GALNTL6: variants seen among roughly 807,000 people sequenced by gnomAD.
GALNTL6 encodes the protein polypeptide N-acetylgalactosaminyltransferase-like 6.
Under a neutral mutation model 73.7 loss-of-function variants are expected in GALNTL6, and 46 were observed. That is an observed-to-expected ratio of 0.62 (90% CI 0.49 to 0.80). GALNTL6 has a LOEUF of 0.80. Among genes scored for constraint, GALNTL6 ranks in the 30% least tolerant of loss-of-function variants. GALNTL6 has a pLI of 0.00. For synonymous variants in GALNTL6, 259 were observed against 263.7 expected, an observed-to-expected ratio of 0.98 and a Z score of 0.17; for missense variants, 604 against 755.0, an observed-to-expected ratio of 0.80 and a Z score of 2.34.
intron 5 of GALNTL6, among the ~76,000 whole-genome samples, chr4:172,733,212 G>A (rs1736255426): frequency 6.6e-6 from 1 of 152,072 alleles, no homozygotes; most frequent in African/African-American, 2.4e-5. Flanking sequence ...TTTCTGGGTG[G>A]CAGTTTTTTC....
In GALNTL6 at chr4:172,980,263, C is replaced by T. The variant is rs528549664; in HGVS notation, c.1371+28005C>T. Among the ~76,000 whole-genome samples, 59 of 152,286 alleles carry T rather than the reference C, an allele frequency of 3.9e-4. 1 individual carries two copies. Among genetic ancestry groups the T allele is most frequent in the African/African-American group, 1.1e-3 (47 of 41,560 alleles). Reference sequence around the variant, plus strand: ...ACTACCAAATAGGCACTGTATGATACTTTTGTATTATATATAGACCTAACT... The same window carrying T: ...ACTACCAAATAGGCACTGTATGATATTTTTGTATTATATATAGACCTAACT... On this transcript the variant is annotated intron_variant, in intron 10 of 12. Transcript: ENST00000506823.
At chr4:172,665,521 T>A (rs1170036025) in intron 5 of GALNTL6, among the ~76,000 whole-genome samples, 5 of 152,218 alleles carry the variant, frequency 3.3e-5, no homozygotes, top group African/African-American at 1.2e-4. Context: ...TGGTTGCTAA[T>A]AGCTACCACA....
chr4:172,046,993 T>C (rs184558504), intron 2 of GALNTL6, among the ~76,000 whole-genome samples: 1 of 152,266 alleles, frequency 6.6e-6, no homozygotes, highest in African/African-American at 2.4e-5. Flanking sequence ...CATTGAGACG[T>C]CAAGGGGATG....
chr4:172,554,064 G>T (rs12233778), intron 5 of GALNTL6, among the ~76,000 whole-genome samples: 126,640 of 152,144 alleles, frequency 0.83, 52,844 homozygotes, highest in Non-Finnish European at 0.87. Flanking sequence ...ACCAGCTTGG[G>T]CTCAGCATCT....
intron 10 of GALNTL6, among the ~76,000 whole-genome samples, chr4:172,974,918 C>T (rs1260530104): frequency 6.6e-6 from 1 of 152,214 alleles, no homozygotes. Context: ...CAGTGATGCT[C>T]AGAAGCCTGG....
At chr4:172,744,836 C>CGTGTGT (rs1393476051) in intron 5 of GALNTL6, among the ~76,000 whole-genome samples, 3 of 78,774 alleles carry the variant, frequency 3.8e-5, no homozygotes, top group East Asian at 7.3e-4. Context: ...TAAGAGTGCG[C>CGTGTGT]GTGCGTGTGT....
Position 172,395,169 on chromosome 4 carries a change from A to G in GALNTL6, c.553+46480A>G, listed in dbSNP as rs567591167. Among the ~76,000 whole-genome samples, 37 of 152,324 alleles carry G rather than the reference A, an allele frequency of 2.4e-4. No individual in the cohort carries two copies. The South Asian group carries it at 6.6e-3, about 27-fold the overall frequency. On this transcript the variant is annotated intron_variant, in intron 5 of 12. Coordinates refer to ENST00000506823, the MANE Select transcript of GALNTL6 (RefSeq NM_001034845.3). Reference sequence around the variant, plus strand: ...TAATTAACTTATGTCCAAAGAGGCCATCACTACCATTCCTTAGTCAAGAGT... The same window carrying G: ...TAATTAACTTATGTCCAAAGAGGCCGTCACTACCATTCCTTAGTCAAGAGT...
At chr4:172,202,773 G>A (rs1042135130) in intron 2 of GALNTL6, among the ~76,000 whole-genome samples, 3 of 152,066 alleles carry the variant, frequency 2.0e-5, no homozygotes, top group Non-Finnish European at 2.9e-5. Flanking sequence ...TGAAACATCA[G>A]CAACCACACA....
chr4:172,865,943 A>T (rs1744641084), intron 7 of GALNTL6, among the ~76,000 whole-genome samples: 1 of 152,154 alleles, frequency 6.6e-6, no homozygotes, highest in African/African-American at 2.4e-5. Flanking sequence ...ACTGCCACCT[A>T]CCTGATTTCC....
chr4:171,953,933 A>G (rs1230502949), intron 2 of GALNTL6, among the ~76,000 whole-genome samples: 1 of 151,960 alleles, frequency 6.6e-6, no homozygotes, highest in Non-Finnish European at 1.5e-5. Context: ...GAAAAATTTA[A>G]ACAAATCTTA....
At chr4:172,351,533 TTG>T (rs1229081681) in intron 5 of GALNTL6, among the ~76,000 whole-genome samples, 1 of 152,140 alleles carries the variant, frequency 6.6e-6, no homozygotes, top group Non-Finnish European at 1.5e-5. Flanking sequence ...TAGACATCAC[TTG>T]TTTACAGGGC....
chr4:172,822,076 T>G (rs1256913326), intron 7 of GALNTL6, among the ~76,000 whole-genome samples: 1 of 152,208 alleles, frequency 6.6e-6, no homozygotes, highest in Non-Finnish European at 1.5e-5. Flanking sequence ...CCTATGGGTG[T>G]GATCTTTACC....
chr4:172,127,451 C>T (rs576873866), intron 2 of GALNTL6, among the ~76,000 whole-genome samples: 1 of 152,358 alleles, frequency 6.6e-6, no homozygotes, highest in East Asian at 1.9e-4. Context: ...ACAGCCACTG[C>T]CAACACCAGC....
chr4:172,906,346 T>G (rs1020435654), intron 8 of GALNTL6, among the ~76,000 whole-genome samples: 1 of 152,158 alleles, frequency 6.6e-6, no homozygotes, highest in Middle Eastern at 3.4e-3. Context: ...AAAGTTAAGA[T>G]TATAGGTGAA....
chr4:171,903,760 G>A (rs1171483528), intron 2 of GALNTL6, among the ~76,000 whole-genome samples: 8 of 152,104 alleles, frequency 5.3e-5, no homozygotes, highest in Non-Finnish European at 2.9e-5. Context: ...CAGCTTTGAA[G>A]AGAGCAGTGG....
chr4:172,021,180 C>T (rs1741388689), intron 2 of GALNTL6, among the ~76,000 whole-genome samples: 1 of 151,876 alleles, frequency 6.6e-6, no homozygotes, highest in Admixed American at 6.6e-5. Flanking sequence ...AGTGTCATAT[C>T]GAATGGAGAA....
intron 5 of GALNTL6, among the ~76,000 whole-genome samples, chr4:172,556,009 T>C (rs1355114135): frequency 1.3e-5 from 2 of 152,110 alleles, no homozygotes; most frequent in African/African-American, 4.8e-5. Context: ...TTTTTGTGTA[T>C]TTAAATTTGC....
At chr4:172,369,444 G>A (rs558385561) in intron 5 of GALNTL6, among the ~76,000 whole-genome samples, 20 of 152,332 alleles carry the variant, frequency 1.3e-4, no homozygotes, top group South Asian at 2.1e-4. Flanking sequence ...CCAGGGCTGC[G>A]GGTGGAGCTG....
At chr4:171,904,614 C>A (rs564205857) in intron 2 of GALNTL6, among the ~76,000 whole-genome samples, 1,880 of 152,124 alleles carry the variant, frequency 0.012, 45 homozygotes, top group African/African-American at 0.043. Flanking sequence ...GCAAGGCAGG[C>A]CAACATTCAG....
Sources: allele counts gnomAD v4.1 joint callset (sites outside exome capture counted in the v4.1 genomes callset), GRCh38; gene constraint gnomAD v4.1.1; transcripts MANE v1.5; gene names NCBI Gene and HGNC (gene_info 2026-07-23, HGNC 2026-07-21).